GNA12: variants seen among roughly 807,000 people sequenced by gnomAD.
GNA12 encodes the protein G protein subunit alpha 12.
Under a neutral mutation model 26.0 loss-of-function variants are expected in GNA12, and 9 were observed. The ratio of observed to expected loss-of-function variants is 0.35; its 90% CI spans 0.21 to 0.60. GNA12 has a LOEUF of 0.60. Ranked by LOEUF, GNA12 falls within the 20% of genes least tolerant of loss-of-function variation. The pLI is 0.78. For missense variants in GNA12, 405 were observed against 525.8 expected, an observed-to-expected ratio of 0.77 and a Z score of 2.25; for synonymous variants, 264 against 219.6, an observed-to-expected ratio of 1.20 and a Z score of -1.79.
At chr7:2,766,979 T>C (rs1486084703) in intron 2 of GNA12, among the ~76,000 whole-genome samples, 1 of 152,246 alleles carries the variant, frequency 6.6e-6, no homozygotes, top group East Asian at 1.9e-4. Flanking sequence ...TGCATTTCTC[T>C]GACCATCAGG....
chr7:2,834,708 C>G (rs1778779340), intron 1 of GNA12, among the ~76,000 whole-genome samples: 1 of 152,174 alleles, frequency 6.6e-6, no homozygotes, highest in African/African-American at 2.4e-5. Flanking sequence ...GGTTATAACA[C>G]CAGATTTTTA....
At chr7:2,784,376 C>T (rs997661730) in intron 2 of GNA12, among the ~76,000 whole-genome samples, 1 of 152,178 alleles carries the variant, frequency 6.6e-6, no homozygotes, top group Non-Finnish European at 1.5e-5. Flanking sequence ...GCCTCACCTA[C>T]CAAAGGGCTG....
chr7:2,816,205 C>T (rs1793214434), intron 1 of GNA12, among the ~76,000 whole-genome samples: 2 of 151,800 alleles, frequency 1.3e-5, no homozygotes, highest in Admixed American at 1.3e-4. Flanking sequence ...CACGCACCCC[C>T]ATGGACAGCA....
intron 1 of GNA12, among the ~76,000 whole-genome samples, chr7:2,818,718 G>C (rs1203304241): frequency 6.7e-6 from 1 of 150,092 alleles, no homozygotes; most frequent in Non-Finnish European, 1.5e-5. Context: ...AGCCGAGATC[G>C]CGCCACTACA....
At chr7:2,788,524 T>C (rs566611249) in intron 2 of GNA12, among the ~76,000 whole-genome samples, 3 of 152,322 alleles carry the variant, frequency 2.0e-5, no homozygotes, top group African/African-American at 2.4e-5. Context: ...TGTAATTGAC[T>C]GGCCACAATT....
At chr7:2,822,540 G>T (rs117890603) in intron 1 of GNA12, among the ~76,000 whole-genome samples, 1,548 of 152,240 alleles carry the variant, frequency 0.01, 12 homozygotes, top group Middle Eastern at 0.071. Flanking sequence ...GCCCAAGAGC[G>T]TGAGATCAGC....
chr7:2,835,537 T>TGCCAGGGAATTCTGGGCC, intron 1 of GNA12: 3 of 478,318 alleles, frequency 6.3e-6, no homozygotes. Context: ...GGGTTGTATT[T>TGCCAGGGAATTCTGGGCC]GCCAGGGAAT....
intron 2 of GNA12, chr7:2,763,191 A>ACCACACACAC: frequency 4.5e-6 from 1 of 221,188 alleles, no homozygotes; most frequent in Non-Finnish European, 7.5e-6. Context: ...AAGACACCCC[A>ACCACACACAC]ACACACACAC....
At position 2,781,412 on chromosome 7, in the gene GNA12, CTGTGTGTGTGTG is replaced by C. The variant is rs58348546; in HGVS notation, c.525+13504_525+13515del. 3.4e-3 allele frequency among the ~76,000 whole-genome samples: 491 copies of C among 143,716 alleles called. 3 individuals carry two copies. Among genetic ancestry groups the C allele is most frequent in the African/African-American group, 0.011 (445 of 39,120 alleles). 94.3% of individuals were successfully genotyped at this position (143,716 alleles called of 152,430 possible). ...CTCTAATCCATTTCAAAGTAAGTGTCTGTGTGTGTGTGTGTGTGTGTGTGTGTGTGTGTGTGT... is the reference window on the plus strand; with the variant it reads ...CTCTAATCCATTTCAAAGTAAGTGTCTGTGTGTGTGTGTGTGTGTGTGTGT... On this transcript the variant is annotated intron_variant, in intron 2 of 3. Transcript: ENST00000275364.
intron 1 of GNA12, among the ~76,000 whole-genome samples, chr7:2,836,197 C>T (rs1778833335): frequency 6.6e-6 from 1 of 152,144 alleles, no homozygotes; most frequent in Non-Finnish European, 1.5e-5. Context: ...CTCGCACTAT[C>T]TAACAGAAAT....
At chr7:2,817,272 T>C (rs1205650119) in intron 1 of GNA12, among the ~76,000 whole-genome samples, 1 of 152,160 alleles carries the variant, frequency 6.6e-6, no homozygotes, top group Non-Finnish European at 1.5e-5. Flanking sequence ...GCCCAGCTCA[T>C]TTTTTGTATT....
At chr7:2,780,051 C>CATATAT (rs3996399) in intron 2 of GNA12, among the ~76,000 whole-genome samples, 1,237 of 61,722 alleles carry the variant, frequency 0.02, 42 homozygotes, top group Non-Finnish European at 0.025. Flanking sequence ...TTTCTGTGTA[C>CATATAT]ATATATATAT....
chr7:2,840,341 T>C (rs565759391), intron 1 of GNA12, among the ~76,000 whole-genome samples: 81 of 152,262 alleles, frequency 5.3e-4, no homozygotes, highest in Non-Finnish European at 1.1e-3. Context: ...GATTTTAATG[T>C]CTCTATCCTC....
At chr7:2,748,642 A>C (rs1295145409) in intron 2 of GNA12, among the ~76,000 whole-genome samples, 1 of 152,200 alleles carries the variant, frequency 6.6e-6, no homozygotes, top group Non-Finnish European at 1.5e-5. Context: ...ATGGCAACAA[A>C]AGCCAAAATT....
At position 2,837,290 on chromosome 7, in the gene GNA12, AG is replaced by A. The variant is rs200807467; in HGVS notation, c.309+6562del. Among the ~76,000 whole-genome samples the A allele has an allele frequency of 4.5e-3, 690 of 152,300 alleles. 8 individuals are homozygous for A. Among genetic ancestry groups the A allele is most frequent in the African/African-American group, 0.016 (651 of 41,564 alleles). On this transcript the variant is annotated intron_variant, in intron 1 of 3. Transcript: ENST00000275364. ...ATTCCCTAGAATCAGCAACGCCCAG[AG>A]GGGAGCTGATGTTCCAACCCCACTC...
At chr7:2,776,419 G>A (rs930328169) in intron 2 of GNA12, among the ~76,000 whole-genome samples, 26 of 152,314 alleles carry the variant, frequency 1.7e-4, no homozygotes, top group Admixed American at 1.3e-3. Context: ...GTCCAACAAC[G>A]GGCAGAGACG....
At chr7:2,764,916 C>T (rs904563059) in intron 2 of GNA12, 2 of 152,234 alleles carry the variant, frequency 1.3e-5, no homozygotes, top group Admixed American at 6.5e-5. Flanking sequence ...TGCTTCTGTT[C>T]AGGTGAATGC....
Position 2,731,462 on chromosome 7 carries a change from C to T in GNA12, c.865G>A (p.Val289Ile), listed in dbSNP as rs771969963. 1.2e-5 allele frequency: 20 copies of T among 1,613,764 alleles called. No homozygotes were observed. Among genetic ancestry groups the T allele is most frequent in the Admixed American group, 6.7e-5 (4 of 59,994 alleles). The part of the protein sequence containing the change: ...TIVNNKLFFN[V>I]SIILFLNKMD... ...TTGTTGAGGAAGAGAATGATGGAGA[C>T]GTTGAAGAAGAGCTTGTTGTTGACG... The change falls in exon 4 of 4, where the codon GTC becomes ATC. Residue 289 changes from valine (V) to isoleucine (I), a missense_variant. Transcript: ENST00000275364. The surrounding 1 kb of genome is among the most constrained non-coding windows in gnomAD (Gnocchi z 6.0).
At chr7:2,806,437 G>A (rs1202055563) in intron 1 of GNA12, among the ~76,000 whole-genome samples, 1 of 131,180 alleles carries the variant, frequency 7.6e-6, no homozygotes, top group African/African-American at 3.0e-5. Flanking sequence ...CAGCCTGGGG[G>A]ATAGAGCGAG....
Sources: gnomAD v4.1 joint callset for allele counts (sites outside exome capture counted in the v4.1 genomes callset) on GRCh38, gnomAD v4.1.1 for gene constraint, Gnocchi (gnomAD v3.1) non-coding constraint, MANE v1.5 for transcripts, NCBI Gene and HGNC (gene_info 2026-07-23, HGNC 2026-07-21) for gene names.